The following TMEM260 variants were observed in gnomAD, a reference collection of about 807,000 sequenced individuals.
The protein encoded by TMEM260 is protein O-mannosyl-transferase TMEM260.
In TMEM260, 82 loss-of-function variants were observed where a neutral mutation model predicts 88.9. The ratio of observed to expected loss-of-function variants is 0.92; its 90% CI spans 0.77 to 1.11. The LOEUF (loss-of-function observed/expected upper bound fraction) is 1.11, where lower values mean the gene tolerates loss of function less well. Among genes scored for constraint, TMEM260 ranks in the 50% least tolerant of loss-of-function variants. The pLI is 0.00. For synonymous variants in TMEM260, 314 were observed against 309.3 expected (o/e 1.02, Z -0.16); for missense variants, 902 against 853.4 (o/e 1.06, Z -0.71).
rs1284519621 is a variant in TMEM260 at position 56,603,902 on chromosome 14, G to A, written c.432G>A (p.Glu144=). The A allele has an allele frequency of 1.2e-6, 2 of 1,613,608 alleles. No individual in the cohort carries two copies. Among genetic ancestry groups the A allele is most frequent in the East Asian group, 2.2e-5 (1 of 44,862 alleles). The part of the protein sequence containing the change: ...RLTWQWSIAA[E]VFSLNNLFVG... ...CATGGCAGTGGTCCATTGCAGCAGA[G>A]GTTTTTAGCTTAAACAATCTCTTTG... The change falls in exon 4 of 16, where the codon GAG becomes GAA. Residue 144 remains glutamate (E), a synonymous_variant. Transcript: ENST00000261556.
At chr14:56,585,483 G>A (rs920501213) in intron 2 of TMEM260, among the ~76,000 whole-genome samples, 1 of 151,924 alleles carries the variant, frequency 6.6e-6, no homozygotes, top group African/African-American at 2.4e-5. Context: ...CTAATGTACT[G>A]TGAACCCAGA....
At chr14:56,607,937 C>G (rs1887016129) in intron 5 of TMEM260, among the ~76,000 whole-genome samples, 1 of 152,204 alleles carries the variant, frequency 6.6e-6, no homozygotes, top group Admixed American at 6.5e-5. Flanking sequence ...TCTGCAGCAA[C>G]TCATCTTACC....
At chr14:56,640,630 C>T (rs1027042162) in intron 15 of TMEM260, among the ~76,000 whole-genome samples, 3 of 152,118 alleles carry the variant, frequency 2.0e-5, no homozygotes, top group Non-Finnish European at 1.5e-5. Context: ...AGCAATGGAA[C>T]AAAGCTGGAC....
intron 15 of TMEM260, among the ~76,000 whole-genome samples, chr14:56,640,653 T>C (rs888455002): frequency 2.0e-5 from 3 of 152,100 alleles, no homozygotes; most frequent in Admixed American, 6.5e-5. Context: ...AGAATGACTT[T>C]GACGAGTTGA....
intron 3 of TMEM260, among the ~76,000 whole-genome samples, chr14:56,602,515 A>G (rs1404902082): frequency 6.6e-6 from 1 of 152,134 alleles, no homozygotes; most frequent in East Asian, 1.9e-4. Context: ...CATAAAGGAT[A>G]TGTTTTAGGA....
downstream of TMEM260, among the ~76,000 whole-genome samples, chr14:56,655,184 G>T (rs1890278888): frequency 6.6e-6 from 1 of 152,096 alleles, no homozygotes; most frequent in Admixed American, 6.5e-5. Context: ...GAGATCAGGA[G>T]TTCGAGACCA....
At chr14:56,636,432 G>A (rs1889081707) in intron 14 of TMEM260, 76 bp from the exon 15 acceptor site, 2 of 1,137,282 alleles carry the variant, frequency 1.8e-6, no homozygotes, top group South Asian at 1.2e-5. Context: ...CAGTGGAGAA[G>A]CCTGGAAGAT....
intron 15 of TMEM260, among the ~76,000 whole-genome samples, chr14:56,643,326 T>A (rs1195477035): frequency 6.6e-6 from 1 of 152,220 alleles, no homozygotes; most frequent in African/African-American, 2.4e-5. Context: ...CAAGTGGGCT[T>A]CATCCCTGGG....
At chr14:56,600,971 T>C (rs1287551912) in intron 3 of TMEM260, among the ~76,000 whole-genome samples, 2 of 152,186 alleles carry the variant, frequency 1.3e-5, no homozygotes, top group African/African-American at 4.8e-5. Flanking sequence ...AGTACATGGA[T>C]TGCAACATCA....
intron 1 of TMEM260, among the ~76,000 whole-genome samples, chr14:56,584,181 G>A (rs188063627): frequency 1.4e-4 from 22 of 152,242 alleles, no homozygotes; most frequent in African/African-American, 5.3e-4. Context: ...TAAATGCAGA[G>A]TATTGCTATC....
intron 9 of TMEM260, among the ~76,000 whole-genome samples, chr14:56,617,873 G>T (rs1887684430): frequency 6.6e-6 from 1 of 152,176 alleles, no homozygotes; most frequent in African/African-American, 2.4e-5. Context: ...TGAATCAATT[G>T]AGAAACAAGG....
At chr14:56,645,184 C>T (rs1182381853) in intron 15 of TMEM260, among the ~76,000 whole-genome samples, 1 of 151,256 alleles carries the variant, frequency 6.6e-6, no homozygotes, top group African/African-American at 2.4e-5. Flanking sequence ...GCTATAAAGA[C>T]ACATGCACAC....
downstream of TMEM260, among the ~76,000 whole-genome samples, chr14:56,653,324 A>G (rs1890239110): frequency 6.6e-6 from 1 of 152,066 alleles, no homozygotes; most frequent in Non-Finnish European, 1.5e-5. Flanking sequence ...TGTATAACAT[A>G]TATGTCATAT....
At chr14:56,640,611 C>T (rs1485913205) in intron 15 of TMEM260, among the ~76,000 whole-genome samples, 1 of 152,124 alleles carries the variant, frequency 6.6e-6, no homozygotes, top group Non-Finnish European at 1.5e-5. Flanking sequence ...AGGAGCACAG[C>T]TCCTCACCAG....
rs760936537 is a variant in TMEM260, at chr14:56,640,302, C to T, written c.1869+3704C>T. On this transcript the variant is annotated intron_variant, in intron 15 of 15. Coordinates refer to ENST00000261556, the MANE Select transcript of TMEM260 (RefSeq NM_017799.4). ...GGGTACTCCTCTGAGACAAAACTTC[C>T]AGAGGGACAATCAGGCAGCTGCATT... 5.3e-5 allele frequency among the ~76,000 whole-genome samples: 8 copies of T among 151,742 alleles called. No individual in the cohort carries two copies. The South Asian group carries it at 8.3e-4, about 16-fold the overall frequency.
At chr14:56,661,256 G>T in the TMEM260 span, among the ~76,000 whole-genome samples, 1 of 152,072 alleles carries the variant, frequency 6.6e-6, no homozygotes, top group Admixed American at 6.6e-5. Flanking sequence ...CTCTCCTCTG[G>T]AATTCTTCCC....
At position 56,647,356 on chromosome 14, in the gene TMEM260, A is replaced by G; in HGVS notation, c.1983A>G (p.Glu661=). The G allele has an allele frequency of 6.2e-7, 1 of 1,614,202 alleles. No homozygotes were observed. Among genetic ancestry groups the G allele is most frequent in the Non-Finnish European group, 8.5e-7 (1 of 1,180,030 alleles). ...LRLQARDADP[E]VLLSETIRHF... ...TTCAGGCAAGAGATGCAGATCCTGA[A>G]GTGCTGTTATCGGAAACCATCAGAC... is the stretch of plus-strand genomic sequence containing the variant. Residue 661 remains glutamate, a synonymous_variant, in exon 16 of 16, where the codon GAA becomes GAG. Coordinates refer to ENST00000261556, the MANE Select transcript of TMEM260 (RefSeq NM_017799.4).
intron 12 of TMEM260, among the ~76,000 whole-genome samples, chr14:56,631,345 A>G (rs1162819145): frequency 6.6e-6 from 1 of 152,106 alleles, no homozygotes; most frequent in Non-Finnish European, 1.5e-5. Context: ...AGTGTGGGCC[A>G]GGTGTGGTGA....
intron 3 of TMEM260, among the ~76,000 whole-genome samples, chr14:56,596,486 G>A (rs1011289977): frequency 6.8e-6 from 1 of 147,804 alleles, no homozygotes; most frequent in African/African-American, 2.5e-5. Flanking sequence ...AATATATCAG[G>A]CCGGGCATGG....
Sources: allele counts gnomAD v4.1 joint callset (sites outside exome capture counted in the v4.1 genomes callset), GRCh38; gene constraint gnomAD v4.1.1; transcripts MANE v1.5; gene names NCBI Gene and HGNC (gene_info 2026-07-23, HGNC 2026-07-21).